NBPF9: variants seen among roughly 807,000 people sequenced by gnomAD.
NBPF9 encodes NBPF member 9.
In NBPF9, 91 loss-of-function variants were observed where a neutral mutation model predicts 97.8. That is an observed-to-expected ratio of 0.93 (90% CI 0.79 to 1.11). The LOEUF is 1.11. Ranked by LOEUF, NBPF9 falls within the 50% of genes least tolerant of loss-of-function variation. The probability of loss-of-function intolerance (pLI) is 0.00; values close to 1 mark genes in which losing one functional copy is unlikely to be tolerated. For missense variants in NBPF9, 992 were observed against 939.5 expected, an observed-to-expected ratio of 1.06 and a Z score of -0.73; for synonymous variants, 334 against 359.5, an observed-to-expected ratio of 0.93 and a Z score of 0.80.
chr1:149,071,403 G>C (rs1397657969), intron 15 of NBPF9, among the ~76,000 whole-genome samples: 3 of 148,756 alleles, frequency 2.0e-5, no homozygotes, highest in Admixed American at 1.3e-4. Context: ...AGCTATCCTT[G>C]TACGGTGCAG....
rs782475198 is a variant in NBPF9, at chr1:149,055,834, T to C, written c.3158A>G (p.Tyr1053Cys). ...TTCAAAGTACATTGACGGAGTAGAA[T>C]AACATCCATCCAGTGAGTCCTGCAA... The change falls in exon 30 of 30, where the codon TAT becomes TGT. Residue 1053 changes from tyrosine (Y) to cysteine (C), a missense_variant. This residue lies in a region of NBPF9 where 397 missense variants were observed against 213.6 expected (regional missense o/e 1.86). Coordinates refer to ENST00000584027, the Ensembl canonical transcript of NBPF9. 135 of 1,605,548 alleles carry C rather than the reference T, an allele frequency of 8.4e-5. 2 individuals carry two copies. The highest frequency in any genetic ancestry group is 1.1e-4 in the Non-Finnish European group (132 of 1,178,820).
chr1:149,084,412 A>G (rs1288078725), intron 5 of NBPF9, among the ~76,000 whole-genome samples: 2 of 147,220 alleles, frequency 1.4e-5, no homozygotes, highest in Non-Finnish European at 3.0e-5. Flanking sequence ...CAATATATAT[A>G]ACATGTGTAT....
chr1:149,099,786 A>G lies in NBPF9; in HGVS notation c.-605-1080T>C, dbSNP rs1208541637. Among the ~76,000 whole-genome samples, 10 of 151,792 alleles carry G rather than the reference A, an allele frequency of 6.6e-5. No homozygotes were observed. The South Asian group carries it at 1.0e-3, about 16-fold the overall frequency. On this transcript the variant is annotated intron_variant, in intron 3 of 29. Coordinates refer to ENST00000584027, the Ensembl canonical transcript of NBPF9. ...GATCATTTGAGCCCAGGAGTTTGAA[A>G]CCAGTCTGGGCACTACAGGAAAACC...
At chr1:149,078,093 A>C in intron 9 of NBPF9, 138 bp from the exon 10 acceptor site, 1 of 764,658 alleles carries the variant, frequency 1.3e-6, no homozygotes, top group Non-Finnish European at 2.1e-6. Flanking sequence ...ATCTTTCACA[A>C]AATGCCCTGG....
intron 5 of NBPF9, among the ~76,000 whole-genome samples, chr1:149,086,202 G>A (rs1487901759): frequency 6.7e-6 from 1 of 149,132 alleles, no homozygotes; most frequent in Non-Finnish European, 1.5e-5. Context: ...ATACGTGGCA[G>A]GCCAGGTCTC....
chr1:149,085,286 A>G (rs1442928071), intron 5 of NBPF9, among the ~76,000 whole-genome samples: 1 of 152,138 alleles, frequency 6.6e-6, no homozygotes, highest in Non-Finnish European at 1.5e-5. Context: ...ATAAGTGGGC[A>G]TATTGTTTGA....
intron 13 of NBPF9, among the ~76,000 whole-genome samples, chr1:149,073,268 G>C (rs1420974485): frequency 6.9e-6 from 1 of 143,936 alleles, no homozygotes; most frequent in Non-Finnish European, 1.5e-5. Flanking sequence ...AATACACATA[G>C]TGCATCTTGC....
At chr1:149,063,550 C>T in intron 20 of NBPF9, 83 bp downstream of exon 20, 1 of 695,964 alleles carries the variant, frequency 1.4e-6, no homozygotes, top group Non-Finnish European at 2.6e-6. Context: ...TCTCTCAGCT[C>T]AGTAACGGCC....
Position 149,059,356 on chromosome 1 carries a change from G to A in NBPF9, c.2586-259C>T, listed in dbSNP as rs1166410505. The A allele has an allele frequency of 8.8e-6, 4 of 452,004 alleles. 1 individual carries two copies. Among genetic ancestry groups the A allele is most frequent in the East Asian group, 2.9e-5 (1 of 34,704 alleles). The allele number at this position is 452,004 out of a possible 1,614,324, so 28.0% of individuals were successfully genotyped here. On this transcript the variant is annotated intron_variant, in intron 25 of 29. Transcript: ENST00000584027. ...ATTGGCCGGGTGACACACTGATGAA[G>A]GAGTAAAAGGACACTCTGAGTTCGT...
chr1:149,095,673 T>C (rs1344938430), intron 4 of NBPF9, among the ~76,000 whole-genome samples: 1 of 144,594 alleles, frequency 6.9e-6, no homozygotes, highest in Non-Finnish European at 1.5e-5. Context: ...ATTAATAAGA[T>C]ATACAGATGG....
At chr1:149,052,241 T>G (rs1467468729), downstream of NBPF9, among the ~76,000 whole-genome samples, 2 of 152,082 alleles carry the variant, frequency 1.3e-5, no homozygotes, top group Non-Finnish European at 2.9e-5. Context: ...AAAACATTGA[T>G]AAATTCGACT....
In NBPF9 at chr1:149,067,323, T is replaced by C. The variant is rs1390308255; in HGVS notation, c.1638-1634A>G. ...GTATGTGTATATATATATATATATT[T>C]TTAATACTTTAAGTCTTAGGGTACA... On this transcript the variant is annotated intron_variant, in intron 17 of 29. Transcript: ENST00000584027. 4.1e-5 allele frequency among the ~76,000 whole-genome samples: 5 copies of C among 122,602 alleles called. 1 individual carries two copies. In the East Asian group the frequency reaches 6.8e-4, roughly 17 times the overall value. The allele number at this position is 122,602 out of a possible 152,430, so 80.4% of individuals were successfully genotyped here.
chr1:149,087,271 T>A (rs1316855881), intron 5 of NBPF9, among the ~76,000 whole-genome samples: 22 of 150,208 alleles, frequency 1.5e-4, no homozygotes, highest in Admixed American at 2.7e-4. Context: ...TGTGTCTGTA[T>A]ATATATATAT....
intron 4 of NBPF9, among the ~76,000 whole-genome samples, chr1:149,096,201 AGAG>A (rs1352145591): frequency 3.7e-4 from 50 of 136,244 alleles, no homozygotes; most frequent in African/African-American, 1.3e-3. Context: ...GGGGTGGAGG[AGAG>A]GAGGAGGCAC....
chr1:149,071,971 C>A (rs1253440122), intron 14 of NBPF9, among the ~76,000 whole-genome samples: 2 of 149,082 alleles, frequency 1.3e-5, no homozygotes, highest in East Asian at 2.1e-4. Context: ...CTGTCTCCCC[C>A]ATCCTGCCAG....
At chr1:149,062,794 G>C in intron 21 of NBPF9, 68 bp downstream of exon 21, 2 of 764,452 alleles carry the variant, frequency 2.6e-6, no homozygotes, top group African/African-American at 1.7e-5. Flanking sequence ...ACACACTCTT[G>C]TTTTCCCTGG....
At chr1:149,069,715 C>G in intron 16 of NBPF9, 70 bp from the exon 17 acceptor site, 1 of 894,032 alleles carries the variant, frequency 1.1e-6, no homozygotes, top group Non-Finnish European at 1.9e-6. Flanking sequence ...AATCACTGTC[C>G]AGTCATAGCC....
At chr1:149,061,958 C>T in intron 22 of NBPF9, 135 bp downstream of exon 22, 1 of 541,702 alleles carries the variant, frequency 1.8e-6, no homozygotes, top group African/African-American at 2.8e-5. Context: ...AGTTTCATTA[C>T]AACCTATATG....
At chr1:149,096,926 G>A (rs1385283252) in intron 4 of NBPF9, among the ~76,000 whole-genome samples, 10 of 141,920 alleles carry the variant, frequency 7.0e-5, no homozygotes, top group East Asian at 5.0e-4. Context: ...AGCTCCAGAG[G>A]TTTTGGTAAG....
Sources: allele counts gnomAD v4.1 joint callset (sites outside exome capture counted in the v4.1 genomes callset), GRCh38; gene constraint gnomAD v4.1.1; regional missense constraint gnomAD v4.1.1; transcripts MANE v1.5; gene names NCBI Gene and HGNC (gene_info 2026-07-23, HGNC 2026-07-21).